Variants in TULP4 observed in about 807,000 individuals in gnomAD.
TULP4 encodes the protein tubby-related protein 4.
In TULP4, 16 loss-of-function variants were observed where a neutral mutation model predicts 129.0. That is an observed-to-expected ratio of 0.12 (90% CI 0.08 to 0.19). The LOEUF (loss-of-function observed/expected upper bound fraction) is 0.19. TULP4 is among the 10% of genes least tolerant of loss of function. The pLI is 1.00. For missense variants in TULP4, 1,842 were observed against 2,059.1 expected (o/e 0.89, Z 2.04); for synonymous variants, 998 against 854.0 (o/e 1.17, Z -2.94).
In TULP4 at chr6:158,314,224, A is replaced by G. The variant is rs1169131982; in HGVS notation, c.208A>G (p.Thr70Ala). ...TAGTCACTGTCGCAGGGACAGGAGT[A>G]CTCCACAGAGGATAAATTTCAACCT... ...TSSHCRRDRSTPQRINFNLRG... is the reference protein window; with the variant it reads ...TSSHCRRDRSAPQRINFNLRG... Residue 70 changes from threonine to alanine, a missense_variant, in exon 1 of 14, where the codon ACT becomes GCT. Transcript: ENST00000367097. The G allele has an allele frequency of 1.9e-6, 3 of 1,614,082 alleles. No individual in the cohort carries two copies. The African/African-American group carries it at 4.0e-5, about 22-fold the overall frequency.
chr6:158,342,581 A>G (rs1017873831), intron 1 of TULP4, among the ~76,000 whole-genome samples: 1 of 152,200 alleles, frequency 6.6e-6, no homozygotes, highest in East Asian at 1.9e-4. Flanking sequence ...CTAATGTACA[A>G]TATGTGTTTT....
At position 158,413,286 on chromosome 6, in the gene TULP4, C is replaced by T. The variant is rs1322177350; in HGVS notation, c.381+93C>T. 7 of 1,385,224 alleles carry T rather than the reference C, an allele frequency of 5.1e-6. No individual in the cohort carries two copies. The highest frequency in any genetic ancestry group is 5.2e-5 in the Admixed American group (2 of 38,660). 85.8% of individuals were successfully genotyped at this position (1,385,224 alleles called of 1,614,324 possible). A position where few individuals can be genotyped will look rare whatever the true frequency, so the allele number is the denominator to read the frequency against. ...GAGCCAGTGCGTTAGCACCACACAG[C>T]GCCACGTGCTCCAGAGCTGGGGGAA... On this transcript the variant is annotated intron_variant, in intron 2 of 13. Transcript: ENST00000367097. This position sits in a 1 kb window ranked among gnomAD's most constrained non-coding sequence, Gnocchi z 4.9.
chr6:158,359,011 T>A (rs891381215), intron 1 of TULP4, among the ~76,000 whole-genome samples: 1 of 152,194 alleles, frequency 6.6e-6, no homozygotes, highest in Admixed American at 6.5e-5. Context: ...TGGTCAGCCA[T>A]GTACATTACA....
chr6:158,406,026 A>G (rs1777970973), intron 1 of TULP4, among the ~76,000 whole-genome samples: 1 of 152,186 alleles, frequency 6.6e-6, no homozygotes, highest in African/African-American at 2.4e-5. Flanking sequence ...GTGTTCCACC[A>G]GGTGCTCCTT....
intron 11 of TULP4, among the ~76,000 whole-genome samples, chr6:158,497,189 T>C (rs945279176): frequency 5.9e-5 from 9 of 152,372 alleles, no homozygotes; most frequent in African/African-American, 1.9e-4. Context: ...TCCATAGAGC[T>C]ACTTTGTCAA....
At chr6:158,496,794 G>A (rs1412638981) in intron 11 of TULP4, among the ~76,000 whole-genome samples, 1 of 152,218 alleles carries the variant, frequency 6.6e-6, no homozygotes, top group East Asian at 1.9e-4. Flanking sequence ...AGATAAGCCA[G>A]TAAAGATCTT....
At chr6:158,342,947 ATGTGTGTGTGTG>A (rs5881254) in intron 1 of TULP4, among the ~76,000 whole-genome samples, 1,874 of 147,588 alleles carry the variant, frequency 0.013, 33 homozygotes, top group African/African-American at 0.031. Context: ...TTAAAAATAA[ATGTGTGTGTGTG>A]TGTGTGTGTG....
intron 4 of TULP4, among the ~76,000 whole-genome samples, chr6:158,449,657 A>C (rs962678319): frequency 5.3e-5 from 8 of 152,150 alleles, no homozygotes; most frequent in African/African-American, 1.9e-4. Flanking sequence ...AGATAACTCT[A>C]CATTTCTGTC....
intron 1 of TULP4, among the ~76,000 whole-genome samples, chr6:158,292,699 C>T (rs1364790068): frequency 3.3e-5 from 5 of 152,166 alleles, no homozygotes; most frequent in African/African-American, 9.7e-5. Flanking sequence ...TTTGGACATA[C>T]TGATTATCTC....
upstream of TULP4, among the ~76,000 whole-genome samples, chr6:158,278,536 C>A (rs1356288463): frequency 6.6e-6 from 1 of 151,864 alleles, no homozygotes; most frequent in Non-Finnish European, 1.5e-5. Flanking sequence ...ATACTTAGAT[C>A]TTTCCTAGAA....
At chr6:158,309,452 G>A (rs1455326438), upstream of TULP4, among the ~76,000 whole-genome samples, 8 of 147,176 alleles carry the variant, frequency 5.4e-5, no homozygotes, top group Middle Eastern at 6.8e-3. Flanking sequence ...GACGATGGGC[G>A]GCCAGGCAGA....
rs9364865 is a variant in TULP4, at chr6:158,236,744, A to G, written n.68+4441A>G. On this transcript the variant is annotated intron_variant and non_coding_transcript_variant, in intron 1 of 1. Transcript: ENST00000620026. ...CTGAAAAAAGATCAAATCAGCACAC[A>G]CAGATAAAGGATACAACAGATACCA... 2.0e-5 allele frequency among the ~76,000 whole-genome samples: 3 copies of G among 150,464 alleles called. No individual in the cohort carries two copies. In the South Asian group the frequency reaches 6.4e-4, roughly 32 times the overall value.
chr6:158,331,814 C>T (rs1226703705), intron 1 of TULP4, among the ~76,000 whole-genome samples: 1 of 137,544 alleles, frequency 7.3e-6, no homozygotes, highest in African/African-American at 2.7e-5. Flanking sequence ...CATTCAGTAG[C>T]AGTCTGGGTT....
intron 3 of TULP4, among the ~76,000 whole-genome samples, chr6:158,432,423 G>A (rs141306025): frequency 3.3e-4 from 51 of 152,278 alleles, no homozygotes; most frequent in Middle Eastern, 3.4e-3. Context: ...GCAGGAAGCC[G>A]GATGAGTCTC....
At chr6:158,265,640 C>G (rs1385933633) in intron 1 of TULP4, among the ~76,000 whole-genome samples, 6 of 151,924 alleles carry the variant, frequency 3.9e-5, no homozygotes, top group African/African-American at 9.7e-5. Flanking sequence ...CAAAATCGTG[C>G]CACTGCACTC....
chr6:158,346,897 T>C (rs992157277), intron 1 of TULP4, among the ~76,000 whole-genome samples: 4 of 148,330 alleles, frequency 2.7e-5, no homozygotes, highest in Non-Finnish European at 6.1e-5. Flanking sequence ...GTGCATCTTT[T>C]TTGCCCCTCA....
chr6:158,454,608 CTTT>C (rs374123610), intron 5 of TULP4, among the ~76,000 whole-genome samples: 1 of 143,188 alleles, frequency 7.0e-6, no homozygotes, highest in Admixed American at 7.0e-5. Context: ...ACAGTTCTCT[CTTT>C]TTTTTTTTTT....
At chr6:158,404,957 A>G (rs1270054050) in intron 1 of TULP4, among the ~76,000 whole-genome samples, 1 of 152,122 alleles carries the variant, frequency 6.6e-6, no homozygotes, top group South Asian at 2.1e-4. Context: ...ACTGTTATAT[A>G]TGTCATAAAT....
intron 2 of TULP4, among the ~76,000 whole-genome samples, chr6:158,422,416 A>G (rs1778366012): frequency 6.6e-6 from 1 of 152,244 alleles, no homozygotes; most frequent in South Asian, 2.1e-4. Context: ...TTTTAAAAAG[A>G]AAACCTTGAT....
Sources: allele counts gnomAD v4.1 joint callset (sites outside exome capture counted in the v4.1 genomes callset), GRCh38; gene constraint gnomAD v4.1.1; non-coding constraint Gnocchi (gnomAD v3.1); transcripts MANE v1.5; gene names NCBI Gene and HGNC (gene_info 2026-07-23, HGNC 2026-07-21).